RBFOX1: variants seen among roughly 807,000 people sequenced by gnomAD.
RBFOX1 encodes RNA binding protein fox-1 homolog 1.
In RBFOX1, 8 loss-of-function variants were observed where a neutral mutation model predicts 57.7. The ratio of observed to expected loss-of-function variants is 0.14; its 90% CI spans 0.08 to 0.25. RBFOX1 has a LOEUF of 0.25. RBFOX1 is among the 10% of genes least tolerant of loss of function. The pLI is 1.00. For synonymous variants in RBFOX1, 326 were observed against 222.4 expected, an observed-to-expected ratio of 1.47 and a Z score of -4.15; for missense variants, 611 against 548.5, an observed-to-expected ratio of 1.11 and a Z score of -1.14.
chr16:5,389,232 T>A (rs928579446), intron 1 of RBFOX1, among the ~76,000 whole-genome samples: 2 of 151,576 alleles, frequency 1.3e-5, no homozygotes, highest in African/African-American at 4.9e-5. Context: ...GTATGATTTT[T>A]GTGAAAATTT....
At chr16:7,193,772 T>C (rs923848414) in intron 4 of RBFOX1, among the ~76,000 whole-genome samples, 1 of 152,200 alleles carries the variant, frequency 6.6e-6, no homozygotes, top group Admixed American at 6.5e-5. Context: ...AGAATATTAG[T>C]ACTAGACTCT....
intron 4 of RBFOX1, among the ~76,000 whole-genome samples, chr16:7,274,390 A>G (rs1397543591): frequency 6.6e-6 from 1 of 152,174 alleles, no homozygotes; most frequent in Non-Finnish European, 1.5e-5. Context: ...TAAAGAAGAG[A>G]TGAAACTGTA....
In RBFOX1 at chr16:5,684,680, C is replaced by G. The variant is rs1039849006; in HGVS notation, c.318+85719C>G. 5.9e-5 allele frequency among the ~76,000 whole-genome samples: 9 copies of G among 152,298 alleles called. No individual in the cohort carries two copies. In the East Asian group the frequency reaches 1.7e-3, roughly 29 times the overall value. ...TGATTCAGCCTTTTCATCAGCTTCT[C>G]CCTCAGCAGGGAGCCGTTGAAGCTA... is the stretch of plus-strand genomic sequence containing the variant. On this transcript the variant is annotated intron_variant, in intron 3 of 19. Coordinates refer to the RBFOX1 transcript ENST00000641259.
rs78436438 is a variant in RBFOX1 at position 5,814,266 on chromosome 16, C to A, written c.319-53037C>A. On this transcript the variant is annotated intron_variant, in intron 3 of 19. Transcript: ENST00000641259. ...GGGAAACTGTATCACTGTTACCTTG[C>A]ATGCTATGTCCTAATGAAGAAGTGA... 2.8e-3 allele frequency among the ~76,000 whole-genome samples: 421 copies of A among 152,280 alleles called. 2 individuals are homozygous for A. Among genetic ancestry groups the A allele is most frequent in the African/African-American group, 9.8e-3 (408 of 41,562 alleles).
chr16:6,032,745 A>T (rs1211739569), intron 1 of RBFOX1, among the ~76,000 whole-genome samples: 1 of 152,220 alleles, frequency 6.6e-6, no homozygotes, highest in African/African-American at 2.4e-5. Flanking sequence ...AAATGAAAAG[A>T]TCATGAGGCA....
intron 3 of RBFOX1, among the ~76,000 whole-genome samples, chr16:6,861,337 G>C (rs1157364550): frequency 6.6e-6 from 1 of 151,986 alleles, no homozygotes; most frequent in Admixed American, 6.6e-5. Context: ...GATTGTTAAG[G>C]GCAGATGAGT....
At chr16:6,672,090 A>G (rs1360477866) in intron 3 of RBFOX1, among the ~76,000 whole-genome samples, 2 of 152,242 alleles carry the variant, frequency 1.3e-5, no homozygotes, top group East Asian at 1.9e-4. Context: ...TTCGGTTTCA[A>G]AGACCGTAGG....
At chr16:6,296,254 A>G (rs1239598673) in intron 1 of RBFOX1, among the ~76,000 whole-genome samples, 1 of 152,130 alleles carries the variant, frequency 6.6e-6, no homozygotes, top group Non-Finnish European at 1.5e-5. Flanking sequence ...CTAGATTTTC[A>G]AAGAAGAAAG....
Position 7,232,094 on chromosome 16 carries a change from G to T in RBFOX1, c.27+179996G>T, listed in dbSNP as rs148989357. Among the ~76,000 whole-genome samples the T allele has an allele frequency of 5.9e-3, 893 of 152,164 alleles. 15 individuals carry two copies. Among genetic ancestry groups the T allele is most frequent in the African/African-American group, 0.02 (838 of 41,492 alleles). Reference sequence around the variant, plus strand: ...AGGCTAGATTGCAGTGGCACAATCGGCTCACTGCAAATTCCACCTCCTAGG... The same window carrying T: ...AGGCTAGATTGCAGTGGCACAATCGTCTCACTGCAAATTCCACCTCCTAGG... On this transcript the variant is annotated intron_variant, in intron 4 of 15. Transcript: ENST00000550418.
chr16:6,608,660 G>C (rs1022717584), intron 2 of RBFOX1, among the ~76,000 whole-genome samples: 2 of 152,184 alleles, frequency 1.3e-5, no homozygotes, highest in African/African-American at 4.8e-5. Context: ...CATGCCTGTG[G>C]TCTCAGGAGG....
intron 3 of RBFOX1, among the ~76,000 whole-genome samples, chr16:5,746,802 T>G (rs2053001114): frequency 6.6e-6 from 1 of 152,254 alleles, no homozygotes; most frequent in African/African-American, 2.4e-5. Flanking sequence ...ATCCTGAGAC[T>G]TTGCTGAAGT....
In RBFOX1 at chr16:5,679,334, C is replaced by CTTT. The variant is rs571622871; in HGVS notation, c.318+80383_318+80385dup. ...GTATGACTGACCACCAATTCTCTCT[C>CTTT]TTTTTTTTTTTTAAAAAACAATTTA... On this transcript the variant is annotated intron_variant, in intron 3 of 19. Coordinates refer to the RBFOX1 transcript ENST00000641259. Among the ~76,000 whole-genome samples, 1,194 of 142,094 alleles carry CTTT rather than the reference C, an allele frequency of 8.4e-3. 12 individuals carry two copies. The highest frequency in any genetic ancestry group is 0.032 in the African/African-American group (1,123 of 35,384). The allele number at this position is 142,094 out of a possible 152,430, so 93.2% of individuals were successfully genotyped here.
intron 2 of RBFOX1, among the ~76,000 whole-genome samples, chr16:6,450,277 G>A (rs1031578393): frequency 7.9e-5 from 12 of 152,024 alleles, no homozygotes; most frequent in African/African-American, 2.7e-4. Context: ...CCCACATCAC[G>A]AGTTGTGAAG....
At chr16:5,728,634 C>G (rs552033122) in intron 3 of RBFOX1, among the ~76,000 whole-genome samples, 1 of 152,312 alleles carries the variant, frequency 6.6e-6, no homozygotes, top group South Asian at 2.1e-4. Flanking sequence ...TGTGAGCCCT[C>G]TGGGTTCCTG....
chr16:6,784,696 T>A (rs908827223), intron 3 of RBFOX1, among the ~76,000 whole-genome samples: 2 of 108,606 alleles, frequency 1.8e-5, no homozygotes, highest in East Asian at 2.5e-4. Context: ...AATGTCTGAT[T>A]TTTTTTTTTT....
intron 4 of RBFOX1, among the ~76,000 whole-genome samples, chr16:7,146,205 T>G (rs1471909596): frequency 7.7e-6 from 1 of 130,118 alleles, no homozygotes; most frequent in Admixed American, 8.5e-5. Context: ...CCTTCCCCAT[T>G]TCCCATGATA....
chr16:5,967,002 G>GGT (rs1555458327), intron 4 of RBFOX1, among the ~76,000 whole-genome samples: 1,428 of 103,846 alleles, frequency 0.014, 115 homozygotes, highest in Middle Eastern at 0.019. Flanking sequence ...GGGGGGGGGG[G>GGT]GGTCAATAAA....
rs115140495 is a variant in RBFOX1 at position 5,643,151 on chromosome 16, C to T, written c.318+44190C>T. ...TAGGCAGATGCTAGCATTATGGTTG[C>T]CACGGTAGGCATGAAAAAAAATGAC... is the stretch of plus-strand genomic sequence containing the variant. On this transcript the variant is annotated intron_variant, in intron 3 of 19. Coordinates refer to the RBFOX1 transcript ENST00000641259. Among the ~76,000 whole-genome samples, 1,116 of 152,236 alleles carry T rather than the reference C, an allele frequency of 7.3e-3. 14 individuals carry two copies. Among genetic ancestry groups the T allele is most frequent in the African/African-American group, 0.026 (1,065 of 41,534 alleles).
intron 3 of RBFOX1, among the ~76,000 whole-genome samples, chr16:6,984,581 A>G (rs1368315777): frequency 6.6e-6 from 1 of 152,150 alleles, no homozygotes; most frequent in Non-Finnish European, 1.5e-5. Flanking sequence ...GAATGATGGC[A>G]TATTTATGCT....
Sources: gnomAD v4.1 joint callset for allele counts (sites outside exome capture counted in the v4.1 genomes callset) on GRCh38, gnomAD v4.1.1 for gene constraint, MANE v1.5 for transcripts, NCBI Gene and HGNC (gene_info 2026-07-23, HGNC 2026-07-21) for gene names.